Variants in TP53BP1 observed in about 807,000 individuals in gnomAD.
TP53BP1 encodes TP53-binding protein 1.
In TP53BP1, 61 loss-of-function variants were observed where a neutral mutation model predicts 200.8. The ratio of observed to expected loss-of-function variants is 0.30; its 90% CI spans 0.25 to 0.38. TP53BP1 has a LOEUF of 0.38. Among genes scored for constraint, TP53BP1 ranks in the 10% least tolerant of loss-of-function variants. The pLI, the probability that TP53BP1 is intolerant of heterozygous loss-of-function variation, is 1.00. For missense variants in TP53BP1, 2,144 were observed against 2,371.9 expected, an observed-to-expected ratio of 0.90 and a Z score of 2.00; for synonymous variants, 822 against 844.3, an observed-to-expected ratio of 0.97 and a Z score of 0.46.
At chr15:43,424,880 G>A (rs1002690715) in intron 18 of TP53BP1, among the ~76,000 whole-genome samples, 1 of 152,196 alleles carries the variant, frequency 6.6e-6, no homozygotes, top group Non-Finnish European at 1.5e-5. Flanking sequence ...CCTTTAAGAG[G>A]TGATTGAGTC....
chr15:43,464,198 C>A (rs965390930), intron 11 of TP53BP1, among the ~76,000 whole-genome samples: 4 of 152,120 alleles, frequency 2.6e-5, no homozygotes, highest in African/African-American at 4.8e-5. Flanking sequence ...TGAGGAAAGC[C>A]TCTAATTTGA....
chr15:43,428,991 T>A (rs752319623), intron 17 of TP53BP1, among the ~76,000 whole-genome samples: 1 of 152,192 alleles, frequency 6.6e-6, no homozygotes, highest in Admixed American at 6.5e-5. Context: ...GTAAAACTCA[T>A]TCAACACTGA....
rs2046686936 is a variant in TP53BP1, at chr15:43,470,027, C to A, written c.1220G>T (p.Gly407Val). Residue 407 changes from glycine (G) to valine (V), a missense_variant, in exon 11 of 28, where the codon GGA becomes GTA. Gly to Val is a moderately radical substitution (Grantham distance 109). Coordinates refer to ENST00000382044, the MANE Select transcript of TP53BP1 (RefSeq NM_001141980.3). ...MDTSVLSEEG[G>V]EPFQKKLQSG... ...TTGAAGTTTCTTCTGAAAAGGCTCT[C>A]CTCCTTCTTCAGATAACACTGACGT... 1.2e-6 allele frequency: 2 copies of A among 1,613,332 alleles called. No individual in the cohort carries two copies. The highest frequency in any genetic ancestry group is 1.7e-6 in the Non-Finnish European group (2 of 1,179,976).
In TP53BP1 at chr15:43,456,270, A is replaced by C. The variant is rs1172199431; in HGVS notation, c.2338T>G (p.Leu780Val). The change falls in exon 12 of 28, where the codon TTG (leucine) becomes GTG (valine). Residue 780 changes from leucine (L) to valine (V), a missense_variant. Leu to Val is a conservative substitution (Grantham distance 32). Coordinates refer to ENST00000382044, the MANE Select transcript of TP53BP1 (RefSeq NM_001141980.3). Reference protein sequence around the residue: ...SPRVDVSCEPLEGVEKCSDSQ... With the variant: ...SPRVDVSCEPVEGVEKCSDSQ... ...TCTGAGCACTTCTCCACTCCCTCCAAAGGTTCACAAGAAACATCAACTCTG... is the reference window on the plus strand; with the variant it reads ...TCTGAGCACTTCTCCACTCCCTCCACAGGTTCACAAGAAACATCAACTCTG... 1.2e-6 allele frequency: 2 copies of C among 1,614,114 alleles called. No individual in the cohort carries two copies.
intron 1 of TP53BP1, among the ~76,000 whole-genome samples, chr15:43,503,344 T>C (rs2079219625): frequency 6.6e-6 from 1 of 152,240 alleles, no homozygotes. Context: ...TCATGCAGTA[T>C]GTACTGTGAC....
chr15:43,477,602 T>C lies in TP53BP1; in HGVS notation c.946A>G (p.Asn316Asp). ...STQEDLFDQS[N>D]KTVSSDGCST... ...AAATCACTCTTGGTACCTGTTTTAT[T>C]GCTCTGGTCAAACAAGTCTTCCTGA... Residue 316 changes from asparagine to aspartate, a missense_variant, in exon 8 of 28, where the codon AAT becomes GAT. Physicochemically the swap from Asn to Asp is conservative, Grantham distance 23 (BLOSUM62 1). This residue lies in a region of TP53BP1 where 1,700 missense variants were observed against 1,710.3 expected (regional missense o/e 0.99). Coordinates refer to ENST00000382044, the MANE Select transcript of TP53BP1 (RefSeq NM_001141980.3). 1 of 1,608,492 alleles carries C rather than the reference T, an allele frequency of 6.2e-7. No individual in the cohort carries two copies. The highest frequency in any genetic ancestry group is 8.5e-7 in the Non-Finnish European group (1 of 1,178,418).
At chr15:43,499,657 A>G (rs1191812942) in intron 1 of TP53BP1, among the ~76,000 whole-genome samples, 1 of 152,194 alleles carries the variant, frequency 6.6e-6, no homozygotes, top group African/African-American at 2.4e-5. Flanking sequence ...CTCACATATA[A>G]GCACATCACA....
chr15:43,424,641 G>A (rs977638818), intron 18 of TP53BP1, among the ~76,000 whole-genome samples: 1 of 152,218 alleles, frequency 6.6e-6, no homozygotes, highest in Non-Finnish European at 1.5e-5. Flanking sequence ...GAAAAAACAG[G>A]TATTACTTTA....
Position 43,403,569 on chromosome 15 carries a change from T to C in TP53BP1, c.*3814A>G. On this transcript the variant is annotated 3_prime_UTR_variant, in exon 28 of 28. Transcript: ENST00000382044. ...CGTGGCAGTGTCTATCCTGTCAGAT[T>C]TGGGAGGTCAGCTATTAATTAGATC... 2 of 775,976 alleles carry C rather than the reference T, an allele frequency of 2.6e-6. No individual in the cohort carries two copies. Among genetic ancestry groups the C allele is most frequent in the Non-Finnish European group, 4.3e-6 (2 of 465,266 alleles). The allele number at this position is 775,976 out of a possible 1,614,324, so 48.1% of individuals were successfully genotyped here.
At chr15:43,418,343 C>CA (rs1297266005) in intron 21 of TP53BP1, among the ~76,000 whole-genome samples, 5 of 146,496 alleles carry the variant, frequency 3.4e-5, no homozygotes, top group South Asian at 2.2e-4. Flanking sequence ...ACGAAAAACA[C>CA]AAAAAAAAAT....
intron 10 of TP53BP1, among the ~76,000 whole-genome samples, chr15:43,474,455 C>CAAAAAAAA (rs398043214): frequency 1.3e-5 from 1 of 79,134 alleles, no homozygotes. Flanking sequence ...TGGGGTTAGA[C>CAAAAAAAA]AAAAAAAAAA....
chr15:43,415,638 C>G lies in TP53BP1; in HGVS notation c.5045G>C (p.Arg1682Pro). 3.1e-6 allele frequency: 5 copies of G among 1,614,178 alleles called. No homozygotes were observed. Among genetic ancestry groups the G allele is most frequent in the Non-Finnish European group, 4.2e-6 (5 of 1,180,038 alleles). ...CTTGCGACCTCGCTTGGCAGGGGAC[C>G]GTTCCTCTTCAGAAGTGATAAGTTT... ...KRKLITSEEE[R>P]SPAKRGRKSA... Residue 1682 changes from arginine to proline, a missense_variant, in exon 23 of 28, where the codon CGG becomes CCG. This residue lies in a region of TP53BP1 where 334 missense variants were observed against 453.4 expected (regional missense o/e 0.74). Coordinates refer to ENST00000382044, the MANE Select transcript of TP53BP1 (RefSeq NM_001141980.3).
rs775290849 is a variant in TP53BP1 at position 43,432,255 on chromosome 15, C to T, written c.3614G>A (p.Arg1205Lys). The T allele has an allele frequency of 1.9e-6, 3 of 1,614,096 alleles. No individual in the cohort carries two copies. The highest frequency in any genetic ancestry group is 2.2e-5 in the East Asian group (1 of 44,900). Residue 1205 changes from arginine (R) to lysine (K), a missense_variant, in exon 17 of 28, where the codon AGG becomes AAG. Physicochemically the swap from Arg to Lys is conservative, Grantham distance 26. Around this residue, in one of 4 missense-constraint regions of TP53BP1, gnomAD observed 1,700 missense variants for 1,710.3 expected, o/e 0.99. Coordinates refer to ENST00000382044, the MANE Select transcript of TP53BP1 (RefSeq NM_001141980.3). ...GKQDATVQTE[R>K]GSGEKPVSAP... ...ACTGACTGGTTTCTCACCACTCCCC[C>T]TCTCAGTCTGAACTGTGGCATCTTG...
At position 43,432,556 on chromosome 15, in the gene TP53BP1, C is replaced by A. The variant is rs1303701669; in HGVS notation, c.3313G>T (p.Val1105Phe). The change falls in exon 17 of 28, where the codon GTT becomes TTT. Residue 1105 changes from valine to phenylalanine, a missense_variant. Coordinates refer to ENST00000382044, the MANE Select transcript of TP53BP1 (RefSeq NM_001141980.3). ...MKPISPVKDP[V>F]SPASQKMVIQ... ...ACCATCTTCTGGGAAGCAGGAGAAA[C>A]AGGGTCCTTGACAGGACTAATGGGC... The A allele has an allele frequency of 1.2e-6, 2 of 1,614,176 alleles. No individual in the cohort carries two copies. Among genetic ancestry groups the A allele is most frequent in the African/African-American group, 2.7e-5 (2 of 75,034 alleles).
Position 43,421,891 on chromosome 15 carries a change from G to T in TP53BP1, c.4064C>A (p.Ala1355Asp). The stretch of plus-strand genomic sequence containing the variant: ...TGGGCCTCCTCGGGAGCTGGGTAAG[G>T]CAAAATCTGCGGGTTCTGTCCCGCT... ...KTSGTEPADFALPSSRGGPGK... is the reference protein window; with the variant it reads ...KTSGTEPADFDLPSSRGGPGK... Residue 1355 changes from alanine (A) to aspartate (D), a missense_variant, in exon 19 of 28, where the codon GCC becomes GAC. Physicochemically the swap from Ala to Asp is moderately radical, Grantham distance 126. Transcript: ENST00000382044. 1 of 1,614,190 alleles carries T rather than the reference G, an allele frequency of 6.2e-7. No homozygotes were observed.
intron 1 of TP53BP1, among the ~76,000 whole-genome samples, chr15:43,506,197 T>G (rs1002036745): frequency 6.6e-6 from 1 of 152,206 alleles, no homozygotes; most frequent in Admixed American, 6.5e-5. Context: ...GAACACCTAA[T>G]TCAAGATGAG....
rs879900488 is a variant in TP53BP1 at position 43,477,882 on chromosome 15, A to G, written c.789-123T>C. 4.5e-6 allele frequency: 3 copies of G among 663,736 alleles called. No homozygotes were observed. The African/African-American group carries it at 5.5e-5, about 12-fold the overall frequency. 41.1% of individuals were successfully genotyped at this position (663,736 alleles called of 1,614,324 possible). A position where few individuals can be genotyped will look rare whatever the true frequency, so the allele number is the denominator to read the frequency against. On this transcript the variant is annotated intron_variant, in intron 7 of 27. Coordinates refer to ENST00000382044, the MANE Select transcript of TP53BP1 (RefSeq NM_001141980.3). ...AAAAATTCCAGTGGCTCTAATTTACATAATTATATATTAAAAAGGAAATAA... is the reference window on the plus strand; with the variant it reads ...AAAAATTCCAGTGGCTCTAATTTACGTAATTATATATTAAAAAGGAAATAA...
chr15:43,479,367 C>T lies in TP53BP1; in HGVS notation c.788+30G>A, dbSNP rs374841559. 193 of 1,574,304 alleles carry T rather than the reference C, an allele frequency of 1.2e-4. 2 individuals carry two copies. In the Middle Eastern group the frequency reaches 2.7e-3, roughly 22 times the overall value. On this transcript the variant is annotated intron_variant, in intron 7 of 27. Coordinates refer to ENST00000382044, the MANE Select transcript of TP53BP1 (RefSeq NM_001141980.3). ...ATTAGTATAACCCTACAGCAAAACT[C>T]GTAAATCCTTTTTAGAAAGTTCGGC...
chr15:43,453,495 A>G (rs991161024), intron 12 of TP53BP1, among the ~76,000 whole-genome samples: 1 of 152,112 alleles, frequency 6.6e-6, no homozygotes, highest in Non-Finnish European at 1.5e-5. Context: ...ACTAAATCCA[A>G]TAACCCCTCA....
Sources: allele counts gnomAD v4.1 joint callset (sites outside exome capture counted in the v4.1 genomes callset), GRCh38; gene constraint gnomAD v4.1.1; regional missense constraint gnomAD v4.1.1; transcripts MANE v1.5; gene names NCBI Gene and HGNC (gene_info 2026-07-23, HGNC 2026-07-21).